Variants in TMEM163 observed in about 807,000 individuals in gnomAD.
TMEM163 encodes the protein transmembrane protein 163.
A neutral mutation model predicts 29.3 loss-of-function variants in TMEM163; 17 were observed. The ratio of observed to expected loss-of-function variants is 0.58; its 90% CI spans 0.40 to 0.87. TMEM163 has a LOEUF of 0.87. Among genes scored for constraint, TMEM163 ranks in the 40% least tolerant of loss-of-function variants. The pLI, the probability that TMEM163 is intolerant of heterozygous loss-of-function variation, is 0.00. For missense variants in TMEM163, 303 were observed against 381.5 expected (o/e 0.79, Z 1.71); for synonymous variants, 157 against 160.6 (o/e 0.98, Z 0.17).
intron 2 of TMEM163, among the ~76,000 whole-genome samples, chr2:134,663,657 AG>A (rs1291446794): frequency 1.3e-5 from 2 of 152,228 alleles, no homozygotes; most frequent in African/African-American, 4.8e-5. Flanking sequence ...ATGCTCTGCA[AG>A]CATCCTCCTG....
intron 2 of TMEM163, among the ~76,000 whole-genome samples, chr2:134,570,436 G>A (rs1010405553): frequency 6.6e-6 from 1 of 150,536 alleles, no homozygotes; most frequent in Non-Finnish European, 1.5e-5. Flanking sequence ...TTGGAACATA[G>A]CCCCCACAGA....
Position 134,718,838 on chromosome 2 carries a change from G to C in TMEM163, c.98C>G (p.Pro33Arg), listed in dbSNP as rs939318639. 1.5e-5 allele frequency: 17 copies of C among 1,124,302 alleles called. No homozygotes were observed. The East Asian group carries it at 4.4e-4, about 29-fold the overall frequency. 69.6% of individuals were successfully genotyped at this position (1,124,302 alleles called of 1,614,324 possible). A position where few individuals can be genotyped will look rare whatever the true frequency, so the allele number is the denominator to read the frequency against. ...GHAPPAAAPGPAPLSSPVREP... is the reference protein window; with the variant it reads ...GHAPPAAAPGRAPLSSPVREP... Reference sequence around the variant, plus strand: ...GCGCACCGGGGAGCTCAGCGGGGCCGGGCCGGGGGCGGCAGCCGGTGGCGC... The same window carrying C: ...GCGCACCGGGGAGCTCAGCGGGGCCCGGCCGGGGGCGGCAGCCGGTGGCGC... The change falls in exon 1 of 8, where the codon CCG becomes CGG. Residue 33 changes from proline to arginine, a missense_variant. Pro to Arg is a moderately radical substitution (Grantham distance 103). Around this residue, in one of 2 missense-constraint regions of TMEM163, gnomAD observed 100 missense variants for 87.2 expected, o/e 1.15. Coordinates refer to ENST00000281924, the MANE Select transcript of TMEM163 (RefSeq NM_030923.5).
chr2:134,560,442 T>C (rs1435770673), intron 2 of TMEM163, among the ~76,000 whole-genome samples: 6 of 152,114 alleles, frequency 3.9e-5, no homozygotes, highest in Admixed American at 3.9e-4. Context: ...AACAGAGCCT[T>C]CAGGGAGAAG....
At chr2:134,466,408 C>T (rs746705424) in intron 5 of TMEM163, 183 bp from the exon 6 acceptor site, 9 of 567,808 alleles carry the variant, frequency 1.6e-5, no homozygotes, top group Non-Finnish European at 2.5e-5. Flanking sequence ...GGAAAAGATG[C>T]TCAAAAACAG....
rs144064831 is a variant in TMEM163 at position 134,597,542 on chromosome 2, C to T, written c.323-45451G>A. 3.7e-3 allele frequency among the ~76,000 whole-genome samples: 556 copies of T among 152,188 alleles called. 4 individuals are homozygous for T. The highest frequency in any genetic ancestry group is 9.4e-3 in the African/African-American group (392 of 41,498). ...AGTATTTTACTGAGGATTTTTGCAT[C>T]GATATTCATCAGGGATATTGGTCTA... On this transcript the variant is annotated intron_variant, in intron 2 of 7. Transcript: ENST00000281924.
intron 1 of TMEM163, among the ~76,000 whole-genome samples, chr2:134,714,076 T>C (rs1348981557): frequency 6.6e-6 from 1 of 152,218 alleles, no homozygotes; most frequent in African/African-American, 2.4e-5. Flanking sequence ...GCTTTCAACA[T>C]GGAGAGTCCT....
chr2:134,587,241 C>T (rs542354624), intron 2 of TMEM163, among the ~76,000 whole-genome samples: 205 of 152,142 alleles, frequency 1.3e-3, no homozygotes, highest in African/African-American at 4.7e-3. Context: ...TGAGGCCCCG[C>T]TTCTACTAAA....
intron 5 of TMEM163, among the ~76,000 whole-genome samples, chr2:134,495,369 C>T (rs950429121): frequency 2.6e-5 from 4 of 152,310 alleles, no homozygotes; most frequent in South Asian, 4.1e-4. Flanking sequence ...ACAAATGGCA[C>T]GCTGTACTGT....
intron 5 of TMEM163, among the ~76,000 whole-genome samples, chr2:134,474,779 A>G (rs529776530): frequency 6.6e-6 from 1 of 152,312 alleles, no homozygotes; most frequent in South Asian, 2.1e-4. Flanking sequence ...AAAATACTAA[A>G]TACTCAGTGA....
chr2:134,525,834 T>A (rs1680283133), intron 4 of TMEM163, among the ~76,000 whole-genome samples: 1 of 152,224 alleles, frequency 6.6e-6, no homozygotes, highest in African/African-American at 2.4e-5. Context: ...CTCCCAGACC[T>A]GGGGGTGTCC....
At chr2:134,502,227 T>G (rs1679710720) in intron 5 of TMEM163, among the ~76,000 whole-genome samples, 1 of 152,218 alleles carries the variant, frequency 6.6e-6, no homozygotes, top group South Asian at 2.1e-4. Context: ...CATTGCAACT[T>G]GTACACAGGG....
At chr2:134,692,448 G>A (rs182473697) in intron 2 of TMEM163, among the ~76,000 whole-genome samples, 18 of 152,126 alleles carry the variant, frequency 1.2e-4, no homozygotes, top group Non-Finnish European at 2.1e-4. Context: ...GTCCTTTGCC[G>A]TTTCCCCTCC....
intron 2 of TMEM163, among the ~76,000 whole-genome samples, chr2:134,557,581 G>T (rs971967902): frequency 2.0e-5 from 3 of 152,144 alleles, no homozygotes; most frequent in African/African-American, 7.2e-5. Flanking sequence ...GGGCTTCCAG[G>T]TCACAGGTAG....
chr2:134,496,032 T>A (rs1378621194), intron 5 of TMEM163, among the ~76,000 whole-genome samples: 1 of 152,050 alleles, frequency 6.6e-6, no homozygotes, highest in African/African-American at 2.4e-5. Flanking sequence ...TAACGAAATT[T>A]GTTGTAATTT....
chr2:134,490,766 G>A (rs908827543), intron 5 of TMEM163, among the ~76,000 whole-genome samples: 2 of 152,122 alleles, frequency 1.3e-5, no homozygotes, highest in East Asian at 3.9e-4. Context: ...CACATGTCAC[G>A]TAAAGGGGAC....
intron 2 of TMEM163, among the ~76,000 whole-genome samples, chr2:134,622,068 CTG>C (rs1682751821): frequency 6.6e-6 from 1 of 152,064 alleles, no homozygotes; most frequent in African/African-American, 2.4e-5. Context: ...ACACAAAAGA[CTG>C]TGTATTGCGT....
chr2:134,606,789 G>A (rs1403704941), intron 2 of TMEM163, among the ~76,000 whole-genome samples: 1 of 152,210 alleles, frequency 6.6e-6, no homozygotes, highest in Non-Finnish European at 1.5e-5. Flanking sequence ...AGAATTCAGG[G>A]AAGATGAGGA....
At chr2:134,489,752 C>T (rs1160147852) in intron 5 of TMEM163, among the ~76,000 whole-genome samples, 1 of 152,194 alleles carries the variant, frequency 6.6e-6, no homozygotes, top group Non-Finnish European at 1.5e-5. Flanking sequence ...TGTTCACATT[C>T]ATCATCCCCA....
At chr2:134,690,190 CA>C (rs1684432128) in intron 2 of TMEM163, among the ~76,000 whole-genome samples, 1 of 151,754 alleles carries the variant, frequency 6.6e-6, no homozygotes. Flanking sequence ...CCCGGCCTCC[CA>C]AAGTGCTGGG....
Sources: gnomAD v4.1 joint callset for allele counts (sites outside exome capture counted in the v4.1 genomes callset) on GRCh38, gnomAD v4.1.1 for gene constraint, gnomAD v4.1.1 regional missense constraint, MANE v1.5 for transcripts, NCBI Gene and HGNC (gene_info 2026-07-23, HGNC 2026-07-21) for gene names.